SULT2B1: variants seen among roughly 807,000 people sequenced by gnomAD.
The protein encoded by SULT2B1 is sulfotransferase family 2B member 1.
SULT2B1 carries 16 observed loss-of-function variants against 33.2 expected under a neutral mutation model. The observed-to-expected ratio is 0.48, with a 90% CI of 0.33 to 0.73. The LOEUF is 0.73. Ranked by LOEUF, SULT2B1 falls within the 30% of genes least tolerant of loss-of-function variation. The pLI, the probability that SULT2B1 is intolerant of heterozygous loss-of-function variation, is 0.02. For missense variants in SULT2B1, 500 were observed against 506.0 expected, an observed-to-expected ratio of 0.99 and a Z score of 0.11; for synonymous variants, 186 against 200.5, an observed-to-expected ratio of 0.93 and a Z score of 0.61.
chr19:48,568,281 ATCTC>A, intron 1 of SULT2B1, among the ~76,000 whole-genome samples: 1 of 144,666 alleles, frequency 6.9e-6, no homozygotes, highest in African/African-American at 2.7e-5. Flanking sequence ...GTGAGACTCC[ATCTC>A]AAAAAAAAAA....
At chr19:48,576,357 C>CTTTTT (rs59055065) in intron 2 of SULT2B1, among the ~76,000 whole-genome samples, 12 of 114,874 alleles carry the variant, frequency 1.0e-4, no homozygotes, top group East Asian at 2.4e-4. Context: ...CCCTCTACTT[C>CTTTTT]TCTTTTTTTT....
chr19:48,573,139 G>A (rs1311714885), intron 1 of SULT2B1, among the ~76,000 whole-genome samples: 1 of 141,794 alleles, frequency 7.1e-6, no homozygotes, highest in Non-Finnish European at 1.5e-5. Flanking sequence ...CCTGGTGACA[G>A]AGCAGGACTC....
intron 1 of SULT2B1, among the ~76,000 whole-genome samples, chr19:48,562,215 C>T (rs1031493973): frequency 4.6e-5 from 7 of 152,180 alleles, no homozygotes; most frequent in East Asian, 1.9e-4. Flanking sequence ...GGTAAAACCC[C>T]GTTTCTACTA....
intron 1 of SULT2B1, among the ~76,000 whole-genome samples, chr19:48,563,879 C>T (rs1035190897): frequency 2.0e-5 from 3 of 151,008 alleles, no homozygotes; most frequent in African/African-American, 4.9e-5. Flanking sequence ...GCAGGAGAAT[C>T]GTTTGAACAT....
At chr19:48,571,056 G>T (rs1334482484) in intron 1 of SULT2B1, among the ~76,000 whole-genome samples, 2 of 151,708 alleles carry the variant, frequency 1.3e-5, no homozygotes, top group Admixed American at 6.6e-5. Flanking sequence ...GTCTTGCTTT[G>T]TCACCCAGGC....
intron 2 of SULT2B1, among the ~76,000 whole-genome samples, chr19:48,577,166 G>A (rs1388257782): frequency 1.3e-5 from 2 of 149,628 alleles, no homozygotes; most frequent in African/African-American, 4.9e-5. Flanking sequence ...CTGAGTAGCT[G>A]GGATCACAGG....
At position 48,552,417 on chromosome 19, in the gene SULT2B1, A is replaced by G. The variant is rs547612984; in HGVS notation, c.71+94A>G. 7.8e-4 allele frequency: 1,039 copies of G among 1,338,154 alleles called. 13 individuals carry two copies. In the South Asian group the frequency reaches 0.01, roughly 13 times the overall value. The allele number at this position is 1,338,154 out of a possible 1,614,324, so 82.9% of individuals were successfully genotyped here. ...ACTGTGGCAAGGGTGGCCTCCAGCC[A>G]CCCGCAGCCGCAGGCCTGGCCCAGA... On this transcript the variant is annotated intron_variant, in intron 1 of 6. Coordinates refer to ENST00000201586, the MANE Select transcript of SULT2B1 (RefSeq NM_177973.2). This position sits in a 1 kb window ranked among gnomAD's most constrained non-coding sequence, Gnocchi z 4.8.
Position 48,599,169 on chromosome 19 carries a change from G to A in SULT2B1, c.861G>A (p.Val287=), listed in dbSNP as rs1456192105. 1 of 1,595,986 alleles carries A rather than the reference G, an allele frequency of 6.3e-7. No individual in the cohort carries two copies. The highest frequency in any genetic ancestry group is 8.5e-7 in the Non-Finnish European group (1 of 1,174,632). ...GCGACTGGAAGAACCACTTCACGGT[G>A]GCCCAGAGCGAAGCCTTCGATCGTG... ...VCGDWKNHFT[V]AQSEAFDRAY... The change falls in exon 7 of 7, where the codon GTG becomes GTA. Residue 287 remains valine (V), a synonymous_variant. Transcript: ENST00000201586. This position sits in a 1 kb window ranked among gnomAD's most constrained non-coding sequence, Gnocchi z 4.1.
In SULT2B1 at chr19:48,555,547, AT is replaced by A; in HGVS notation, c.71+3225del. On this transcript the variant is annotated intron_variant, in intron 1 of 6. Coordinates refer to ENST00000201586, the MANE Select transcript of SULT2B1 (RefSeq NM_177973.2). ...CTCCTTGCATAGGGATCCCAGAGACATCCTCTCTCTCTCTCTCTCTCTCTCT... is the reference window on the plus strand; with the variant it reads ...CTCCTTGCATAGGGATCCCAGAGACACCTCTCTCTCTCTCTCTCTCTCTCT... Among the ~76,000 whole-genome samples the A allele has an allele frequency of 2.1e-5, 2 of 93,176 alleles. 1 individual carries two copies. The highest frequency in any genetic ancestry group is 1.0e-4 in the African/African-American group (2 of 19,860). 61.1% of individuals were successfully genotyped at this position (93,176 alleles called of 152,430 possible). A position where few individuals can be genotyped will look rare whatever the true frequency, so the allele number is the denominator to read the frequency against.
At position 48,576,059 on chromosome 19, in the gene SULT2B1, T is replaced by C; in HGVS notation, c.190T>C (p.Phe64Leu). 1 of 1,612,780 alleles carries C rather than the reference T, an allele frequency of 6.2e-7. No homozygotes were observed. The highest frequency in any genetic ancestry group is 8.5e-7 in the Non-Finnish European group (1 of 1,179,514). ...CCAAGATGTGCGGGACGACGACATC[T>C]TTATCATCACCTACCCCAAGTCAGG... Reference protein sequence around the residue: ...NTQDVRDDDIFIITYPKSGTT... With the variant: ...NTQDVRDDDILIITYPKSGTT... The change falls in exon 2 of 7, where the codon TTT (phenylalanine) becomes CTT (leucine). Residue 64 changes from phenylalanine (F) to leucine (L), a missense_variant. Phe to Leu is a conservative substitution (Grantham distance 22). Transcript: ENST00000201586.
At position 48,565,896 on chromosome 19, in the gene SULT2B1, C is replaced by T. The variant is rs144817195; in HGVS notation, c.72-10045C>T. ...CCTCCCAAGTAGCTGAGAAGACAGGCACATGCCACCACACCAGGCTATTTT... is the reference window on the plus strand; with the variant it reads ...CCTCCCAAGTAGCTGAGAAGACAGGTACATGCCACCACACCAGGCTATTTT... On this transcript the variant is annotated intron_variant, in intron 1 of 6. Coordinates refer to ENST00000201586, the MANE Select transcript of SULT2B1 (RefSeq NM_177973.2). 9.3e-4 allele frequency among the ~76,000 whole-genome samples: 139 copies of T among 150,036 alleles called. 1 individual carries two copies. Among genetic ancestry groups the T allele is most frequent in the African/African-American group, 3.4e-3 (138 of 40,538 alleles).
intron 1 of SULT2B1, among the ~76,000 whole-genome samples, chr19:48,569,363 C>CATATATAT (rs1159840741): frequency 0.064 from 2,039 of 31,988 alleles, 54 homozygotes; most frequent in East Asian, 0.1. Context: ...AAAAAAAAAA[C>CATATATAT]ATATATATAT....
intron 6 of SULT2B1, among the ~76,000 whole-genome samples, chr19:48,598,640 C>T (rs572746152): frequency 3.9e-5 from 6 of 152,138 alleles, no homozygotes; most frequent in South Asian, 4.1e-4. Context: ...TCGCTTGCTG[C>T]GCCAATCAGC....
At chr19:48,560,856 G>T (rs1234089013) in intron 1 of SULT2B1, among the ~76,000 whole-genome samples, 3 of 152,046 alleles carry the variant, frequency 2.0e-5, no homozygotes, top group Admixed American at 2.0e-4. Context: ...CAGCACTTTG[G>T]GAGGCCGAGG....
intron 5 of SULT2B1, 30 bp from the exon 6 acceptor site, chr19:48,596,709 C>T: frequency 6.4e-7 from 1 of 1,564,116 alleles, no homozygotes; most frequent in Non-Finnish European, 8.6e-7. Context: ...GAGTGCCCTC[C>T]CTCCGCTGAC....
At chr19:48,576,135 C>T in intron 2 of SULT2B1, 52 bp downstream of exon 2, 11 of 1,462,336 alleles carry the variant, frequency 7.5e-6, no homozygotes, top group Non-Finnish European at 1.0e-5. Flanking sequence ...GGAGGGGGTG[C>T]GGCAGAGGAC....
intron 1 of SULT2B1, among the ~76,000 whole-genome samples, chr19:48,571,637 A>C (rs1013471848): frequency 3.8e-5 from 2 of 52,120 alleles, no homozygotes; most frequent in South Asian, 1.2e-3. Context: ...GAACAATAAC[A>C]AAAGAAAAAA....
chr19:48,599,210 T>C lies in SULT2B1; in HGVS notation c.902T>C (p.Met301Thr). ...EAFDRAYRKQMRGMPTFPWDE... is the reference protein window; with the variant it reads ...EAFDRAYRKQTRGMPTFPWDE... ...TTCGATCGTGCCTACCGCAAGCAGA[T>C]GCGGGGGATGCCGACCTTCCCCTGG... The change falls in exon 7 of 7, where the codon ATG (methionine) becomes ACG (threonine). Residue 301 changes from methionine to threonine, a missense_variant. Transcript: ENST00000201586. The surrounding 1 kb of genome is among the most constrained non-coding windows in gnomAD (Gnocchi z 4.1). 6.8e-6 allele frequency: 11 copies of C among 1,606,546 alleles called. No homozygotes were observed. The highest frequency in any genetic ancestry group is 9.3e-6 in the Non-Finnish European group (11 of 1,178,022).
In SULT2B1 at chr19:48,558,482, C is replaced by G. The variant is rs537889992; in HGVS notation, c.71+6159C>G. ...GAGAGCTGCGGTGGCCGCTCCTCCC[C>G]GCGCTCTGATCTCGGGAGTCCCTGG... On this transcript the variant is annotated intron_variant, in intron 1 of 6. Coordinates refer to ENST00000201586, the MANE Select transcript of SULT2B1 (RefSeq NM_177973.2). Among the ~76,000 whole-genome samples the G allele has an allele frequency of 7.2e-5, 11 of 152,164 alleles. 1 individual carries two copies. In the South Asian group the frequency reaches 1.5e-3, roughly 20 times the overall value.
Sources: gnomAD v4.1 joint callset for allele counts (sites outside exome capture counted in the v4.1 genomes callset) on GRCh38, gnomAD v4.1.1 for gene constraint, Gnocchi (gnomAD v3.1) non-coding constraint, MANE v1.5 for transcripts, NCBI Gene and HGNC (gene_info 2026-07-23, HGNC 2026-07-21) for gene names.